The following FRAS1 variants were observed in gnomAD, a reference collection of about 807,000 sequenced individuals.
The protein encoded by FRAS1 is extracellular matrix organizing protein FRAS1.
FRAS1 carries 290 observed loss-of-function variants against 435.2 expected under a neutral mutation model. That is an observed-to-expected ratio of 0.67 (90% CI 0.61 to 0.73). The LOEUF (loss-of-function observed/expected upper bound fraction) is 0.73. FRAS1 is among the 30% of genes least tolerant of loss of function. The pLI, the probability that FRAS1 is intolerant of heterozygous loss-of-function variation, is 0.00. For missense variants in FRAS1, 4,860 were observed against 5,001.5 expected, an observed-to-expected ratio of 0.97 and a Z score of 0.85; for synonymous variants, 1,800 against 1,851.0, an observed-to-expected ratio of 0.97 and a Z score of 0.71.
At chr4:78,368,712 A>G (rs894966839) in intron 22 of FRAS1, among the ~76,000 whole-genome samples, 1 of 152,222 alleles carries the variant, frequency 6.6e-6, no homozygotes, top group African/African-American at 2.4e-5. Flanking sequence ...AGAGCATGCT[A>G]TAATGCAAGG....
At chr4:78,071,788 T>C (rs898445565) in intron 2 of FRAS1, 2 of 149,522 alleles carry the variant, frequency 1.3e-5, no homozygotes, top group Non-Finnish European at 3.0e-5. Flanking sequence ...TATTGGACAG[T>C]GCAACATTAG....
intron 72 of FRAS1, 135 bp downstream of exon 72, chr4:78,537,335 T>G: frequency 1.2e-6 from 1 of 845,700 alleles, no homozygotes; most frequent in East Asian, 2.7e-5. Context: ...TGTTGTTTCT[T>G]TCAGATCAGC....
At chr4:78,061,472 C>T (rs1356098197) in intron 1 of FRAS1, among the ~76,000 whole-genome samples, 1 of 152,208 alleles carries the variant, frequency 6.6e-6, no homozygotes, top group Non-Finnish European at 1.5e-5. Flanking sequence ...GAGCTTTAGT[C>T]TGTGTCCCAT....
chr4:78,358,735 T>A (rs765964680), intron 20 of FRAS1, among the ~76,000 whole-genome samples: 1 of 152,218 alleles, frequency 6.6e-6, no homozygotes, highest in Non-Finnish European at 1.5e-5. Context: ...AAAAGTGTTA[T>A]CATAGCCTTA....
chr4:78,263,206 C>T (rs563241067), intron 6 of FRAS1, among the ~76,000 whole-genome samples: 1 of 152,346 alleles, frequency 6.6e-6, no homozygotes, highest in Non-Finnish European at 1.5e-5. Context: ...CTCTCCAGTT[C>T]TGGCTGTAAA....
At position 78,333,508 on chromosome 4, in the gene FRAS1, G is replaced by T. The variant is rs535563493; in HGVS notation, c.2278+96G>T. On this transcript the variant is annotated intron_variant, in intron 19 of 73. Transcript: ENST00000512123. The stretch of plus-strand genomic sequence containing the variant: ...TAATTAGAAACCTTGTCATACCGGG[G>T]ACTAAGATTCAGCTGTAAATCCTTG... The T allele has an allele frequency of 4.6e-5, 59 of 1,287,394 alleles. No homozygotes were observed. The East Asian group carries it at 1.6e-3, about 35-fold the overall frequency. The allele number at this position is 1,287,394 out of a possible 1,614,324, so 79.7% of individuals were successfully genotyped here.
chr4:78,218,484 T>G (rs1388006383), intron 2 of FRAS1, among the ~76,000 whole-genome samples: 1 of 152,206 alleles, frequency 6.6e-6, no homozygotes, highest in Non-Finnish European at 1.5e-5. Context: ...AGTGGACAGT[T>G]GCAGACTGTG....
intron 2 of FRAS1, among the ~76,000 whole-genome samples, chr4:78,213,811 C>T (rs780301262): frequency 6.6e-6 from 1 of 152,170 alleles, no homozygotes; most frequent in South Asian, 2.1e-4. Context: ...ACCATTTCCT[C>T]TATTGCTTTT....
chr4:78,309,265 A>G (rs1476432791), intron 15 of FRAS1, among the ~76,000 whole-genome samples: 1 of 152,236 alleles, frequency 6.6e-6, no homozygotes, highest in African/African-American at 2.4e-5. Context: ...TAGAACTTCT[A>G]ACTTCTAGAA....
Position 78,456,495 on chromosome 4 carries a change from G to A in FRAS1, c.6763+4141G>A, listed in dbSNP as rs145622364. 3.7e-3 allele frequency among the ~76,000 whole-genome samples: 562 copies of A among 152,292 alleles called. 3 individuals carry two copies. The highest frequency in any genetic ancestry group is 0.013 in the African/African-American group (550 of 41,554). ...CAAAAGCATATGCATGCAAAGCTGT[G>A]AGGTGGCTGGAGAATGTAGACTCTA... On this transcript the variant is annotated intron_variant, in intron 47 of 73. Transcript: ENST00000512123.
In FRAS1 at chr4:78,526,553, A is replaced by T. The variant is rs912012844; in HGVS notation, c.10821A>T (p.Ser3607=). Residue 3607 remains serine, a synonymous_variant, in exon 70 of 74, where the codon TCA becomes TCT. Transcript: ENST00000512123. ...ATSSYNRKDY[S]GEYTIYLIPC... ...TGCATGTTTCCAGGAAGGACTACTC[A>T]GGAGAGTACACCATCTACCTGATCC... 1.9e-6 allele frequency: 3 copies of T among 1,593,678 alleles called. No homozygotes were observed. The highest frequency in any genetic ancestry group is 2.6e-6 in the Non-Finnish European group (3 of 1,169,744).
At chr4:78,402,718 C>T (rs574199767) in intron 30 of FRAS1, among the ~76,000 whole-genome samples, 1 of 152,140 alleles carries the variant, frequency 6.6e-6, no homozygotes, top group Admixed American at 6.5e-5. Context: ...CACCAATGCC[C>T]TTTCTATGAC....
Position 78,478,784 on chromosome 4 carries a change from C to G in FRAS1, c.8099-590C>G, listed in dbSNP as rs141655553. Among the ~76,000 whole-genome samples the G allele has an allele frequency of 8.5e-5, 13 of 152,262 alleles. No individual in the cohort carries two copies. In the East Asian group the frequency reaches 2.5e-3, roughly 29 times the overall value. ...ACAAATACTGTAGATAGCAAAAACC[C>G]TTGGTAATGCCACTTGGAAAACAAG... is the stretch of plus-strand genomic sequence containing the variant. On this transcript the variant is annotated intron_variant, in intron 55 of 73. Transcript: ENST00000512123.
At chr4:78,439,188 G>A (rs1412046461) in intron 40 of FRAS1, 124 bp downstream of exon 40, 2 of 787,774 alleles carry the variant, frequency 2.5e-6, no homozygotes, top group African/African-American at 1.8e-5. Flanking sequence ...CCAGGCAGCG[G>A]TATGAAGATA....
At chr4:78,328,571 A>T (rs1729807564) in intron 18 of FRAS1, among the ~76,000 whole-genome samples, 1 of 152,220 alleles carries the variant, frequency 6.6e-6, no homozygotes, top group Admixed American at 6.5e-5. Context: ...GTGCTAAAGT[A>T]TATCCTTCTT....
chr4:78,087,418 TGG>T (rs1741244377), intron 2 of FRAS1, among the ~76,000 whole-genome samples: 1 of 152,168 alleles, frequency 6.6e-6, no homozygotes, highest in Non-Finnish European at 1.5e-5. Context: ...TTGGAAGTTC[TGG>T]CCAGGGCAAT....
rs548076863 is a variant in FRAS1 at position 78,343,916 on chromosome 4, A to G, written c.2422+6099A>G. Among the ~76,000 whole-genome samples the G allele has an allele frequency of 1.2e-4, 19 of 152,292 alleles. No individual in the cohort carries two copies. The South Asian group carries it at 3.5e-3, about 28-fold the overall frequency. On this transcript the variant is annotated intron_variant, in intron 20 of 73. Transcript: ENST00000512123. ...GGGGGAGGTGGGTTGGCACCGCCCT[A>G]TATCTTGCTGTGGCTGCTTCTGCAG...
intron 50 of FRAS1, 116 bp from the exon 51 acceptor site, chr4:78,469,862 A>G (rs1560745611): frequency 1.3e-6 from 1 of 760,158 alleles, no homozygotes; most frequent in Non-Finnish European, 2.3e-6. Context: ...TCAGTTGCCC[A>G]TCCCTCATCT....
In FRAS1 at chr4:78,524,236, T is replaced by G. The variant is rs571472688; in HGVS notation, c.10808+1428T>G. 2.9e-4 allele frequency among the ~76,000 whole-genome samples: 44 copies of G among 152,326 alleles called. No homozygotes were observed. In the South Asian group the frequency reaches 8.3e-3, roughly 29 times the overall value. The stretch of plus-strand genomic sequence containing the variant: ...ATCTTAAATCCCCAGAACCACAGGT[T>G]TTAGCATGTGATAGGTTCTGAGCAA... On this transcript the variant is annotated intron_variant, in intron 69 of 73. Coordinates refer to ENST00000512123, the MANE Select transcript of FRAS1 (RefSeq NM_025074.7).
Sources: gnomAD v4.1 joint callset for allele counts (sites outside exome capture counted in the v4.1 genomes callset) on GRCh38, gnomAD v4.1.1 for gene constraint, MANE v1.5 for transcripts, NCBI Gene and HGNC (gene_info 2026-07-23, HGNC 2026-07-21) for gene names.